The following ADAMTS9 variants were observed in gnomAD, a reference collection of about 807,000 sequenced individuals.
The protein encoded by ADAMTS9 is A disintegrin and metalloproteinase with thrombospondin motifs 9.
Under a neutral mutation model 257.1 loss-of-function variants are expected in ADAMTS9, and 107 were observed. The observed-to-expected ratio is 0.42, with a 90% CI of 0.36 to 0.49. The LOEUF (loss-of-function observed/expected upper bound fraction) is 0.49, where lower values mean the gene tolerates loss of function less well. ADAMTS9 is among the 20% of genes least tolerant of loss of function. The pLI is 0.03. For synonymous variants in ADAMTS9, 982 were observed against 880.9 expected, an observed-to-expected ratio of 1.11 and a Z score of -2.03; for missense variants, 2,353 against 2,469.1, an observed-to-expected ratio of 0.95 and a Z score of 1.00.
intron 29 of ADAMTS9, among the ~76,000 whole-genome samples, chr3:64,564,030 A>T (rs1382088796): frequency 6.6e-6 from 1 of 152,214 alleles, no homozygotes; most frequent in Non-Finnish European, 1.5e-5. Context: ...CCCCGGAGGC[A>T]GTGATGGTGG....
At chr3:64,619,682 G>A (rs76576904) in intron 19 of ADAMTS9, among the ~76,000 whole-genome samples, 29,663 of 151,938 alleles carry the variant, frequency 0.2, 3,339 homozygotes, top group East Asian at 0.47. Flanking sequence ...ATAACTGTTA[G>A]AAAAAATAGT....
At position 64,651,142 on chromosome 3, in the gene ADAMTS9, G is replaced by T; in HGVS notation, c.1338C>A (p.Asp446Glu). The T allele has an allele frequency of 2.5e-6, 4 of 1,587,066 alleles. No individual in the cohort carries two copies. The highest frequency in any genetic ancestry group is 2.6e-6 in the Non-Finnish European group (3 of 1,170,548). The stretch of plus-strand genomic sequence containing the variant: ...CTCCTTCTTCTTTACATTTGTTGTT[G>T]TCATCATGAGGCATGTTAAACCTAA... The part of the protein sequence containing the change: ...LGHVFNMPHD[D>E]NNKCKEEGVK... The change falls in exon 9 of 40, where the codon GAC becomes GAA. Residue 446 changes from aspartate to glutamate, a missense_variant. Coordinates refer to ENST00000498707, the MANE Select transcript of ADAMTS9 (RefSeq NM_182920.2).
At chr3:64,572,765 T>C (rs2083724042) in intron 28 of ADAMTS9, among the ~76,000 whole-genome samples, 2 of 152,042 alleles carry the variant, frequency 1.3e-5, no homozygotes, top group African/African-American at 4.8e-5. Flanking sequence ...TGGGTGGGGC[T>C]GGAAGATGCA....
chr3:64,655,521 A>T (rs1701046221), intron 6 of ADAMTS9, 55 bp downstream of exon 6: 1 of 1,416,770 alleles, frequency 7.1e-7, no homozygotes, highest in Non-Finnish European at 1.0e-6. Flanking sequence ...GCATGACCAC[A>T]TCCCATCAAC....
At position 64,602,020 on chromosome 3, in the gene ADAMTS9, T is replaced by C. The variant is rs1223446103; in HGVS notation, c.3941A>G (p.Tyr1314Cys). The change falls in exon 26 of 40, where the codon TAT (tyrosine) becomes TGT (cysteine). Residue 1314 changes from tyrosine (Y) to cysteine (C), a missense_variant. By Grantham distance (194) the Tyr-to-Cys change is radical. Around this residue, in one of 3 missense-constraint regions of ADAMTS9, gnomAD observed 1,402 missense variants for 1,441.4 expected, o/e 0.97. Transcript: ENST00000498707. Reference protein sequence around the residue: ...LAQHPFQNEDYRPRSASPSRT... With the variant: ...LAQHPFQNEDCRPRSASPSRT... Reference sequence around the variant, plus strand: ...GCTGGGGCTGGCGCTCCGGGGACGATAGTCCTCATTTTGGAAGGGGTGCTG... The same window carrying C: ...GCTGGGGCTGGCGCTCCGGGGACGACAGTCCTCATTTTGGAAGGGGTGCTG... 6.2e-7 allele frequency: 1 copy of C among 1,613,988 alleles called. No individual in the cohort carries two copies. The highest frequency in any genetic ancestry group is 1.1e-5 in the South Asian group (1 of 91,062).
chr3:64,522,424 C>T, intron 38 of ADAMTS9, 164 bp from the exon 39 acceptor site: 1 of 526,556 alleles, frequency 1.9e-6, no homozygotes. Flanking sequence ...TGGCAAACTT[C>T]AGCCTGTGAG....
At chr3:64,568,608 T>G (rs2106683131) in intron 28 of ADAMTS9, 73 bp from the exon 29 acceptor site, 1 of 1,569,134 alleles carries the variant, frequency 6.4e-7, no homozygotes, top group Admixed American at 1.9e-5. Context: ...ACCTGCGTCT[T>G]GAGATGTTAA....
At chr3:64,539,410 G>T in intron 36 of ADAMTS9, 116 bp from the exon 37 acceptor site, 1 of 846,340 alleles carries the variant, frequency 1.2e-6, no homozygotes, top group Non-Finnish European at 1.9e-6. Flanking sequence ...GAGGGAATGG[G>T]AGAGAAAGAA....
chr3:64,600,687 G>A (rs1283498067), intron 26 of ADAMTS9, among the ~76,000 whole-genome samples: 1 of 152,152 alleles, frequency 6.6e-6, no homozygotes, highest in African/African-American at 2.4e-5. Flanking sequence ...TCTAGGCAAA[G>A]GAAGCCCAAA....
chr3:64,665,817 A>G (rs1032581505), intron 3 of ADAMTS9, among the ~76,000 whole-genome samples: 5 of 152,194 alleles, frequency 3.3e-5, no homozygotes, highest in Non-Finnish European at 4.4e-5. Flanking sequence ...TTTCTGAGTC[A>G]CTTCTCTGGG....
intron 2 of ADAMTS9, chr3:64,684,886 C>A (rs1371153084): frequency 1.3e-5 from 2 of 152,216 alleles, no homozygotes; most frequent in African/African-American, 4.8e-5. Context: ...GACGTACACA[C>A]GCAGTCCTAT....
chr3:64,649,740 G>T lies in ADAMTS9; in HGVS notation c.1502C>A (p.Ser501Tyr), dbSNP rs1700886717. 6.2e-7 allele frequency: 1 copy of T among 1,613,862 alleles called. No individual in the cohort carries two copies. The highest frequency in any genetic ancestry group is 8.5e-7 in the Non-Finnish European group (1 of 1,179,974). The change falls in exon 10 of 40, where the codon TCC becomes TAC. Residue 501 changes from serine to tyrosine, a missense_variant. Physicochemically the swap from Ser to Tyr is moderately radical, Grantham distance 144 (BLOSUM62 -2). Transcript: ENST00000498707. ...TTGGACAGGCAAAGGGTAGGGTCTG[G>T]ATTCAGGTTCGTTAAGCAAACACTC... ...YGECLLNEPE[S>Y]RPYPLPVQLP...
intron 28 of ADAMTS9, among the ~76,000 whole-genome samples, chr3:64,581,123 G>A (rs1206606244): frequency 1.3e-5 from 2 of 152,146 alleles, no homozygotes; most frequent in Non-Finnish European, 2.9e-5. Context: ...TCAAGGCCAG[G>A]GCTCACATCA....
In ADAMTS9 at chr3:64,603,469, C is replaced by T. The variant is rs1003444777; in HGVS notation, c.3747+453G>A. 3.3e-5 allele frequency among the ~76,000 whole-genome samples: 5 copies of T among 152,140 alleles called. No individual in the cohort carries two copies. In the South Asian group the frequency reaches 1.0e-3, roughly 32 times the overall value. On this transcript the variant is annotated intron_variant, in intron 25 of 39. Transcript: ENST00000498707. ...GTGTACAGCAGGCAGGTTCACAGCA[C>T]TGGATGAGGATTCCCACTTCCCATT...
At chr3:64,628,264 G>GTTATCA (rs1295676243) in intron 16 of ADAMTS9, among the ~76,000 whole-genome samples, 1 of 152,186 alleles carries the variant, frequency 6.6e-6, no homozygotes, top group Non-Finnish European at 1.5e-5. Context: ...TTATCAGGAG[G>GTTATCA]CCCTCCCTGA....
chr3:64,542,875 T>C (rs1400454093), intron 32 of ADAMTS9, among the ~76,000 whole-genome samples: 1 of 151,738 alleles, frequency 6.6e-6, no homozygotes, highest in East Asian at 1.9e-4. Context: ...CTAGCAAGAC[T>C]AATAAAGAAG....
At chr3:64,681,408 C>T in intron 2 of ADAMTS9, 45 bp from the exon 3 acceptor site, 2 of 1,550,540 alleles carry the variant, frequency 1.3e-6, no homozygotes, top group South Asian at 1.2e-5. Context: ...GTAACTCAGT[C>T]ATTGGGAGGA....
intron 28 of ADAMTS9, chr3:64,592,477 C>T (rs1316119462): frequency 6.6e-6 from 1 of 152,094 alleles, no homozygotes; most frequent in Non-Finnish European, 1.5e-5. Context: ...CATTTATGCT[C>T]TTAAAATATC....
chr3:64,627,552 G>A (rs1700254474), intron 16 of ADAMTS9, among the ~76,000 whole-genome samples: 1 of 152,138 alleles, frequency 6.6e-6, no homozygotes, highest in Non-Finnish European at 1.5e-5. Flanking sequence ...CTTGGCTTTA[G>A]CTCAACAGGA....
Sources: gnomAD v4.1 joint callset for allele counts (sites outside exome capture counted in the v4.1 genomes callset) on GRCh38, gnomAD v4.1.1 for gene constraint, gnomAD v4.1.1 regional missense constraint, MANE v1.5 for transcripts, NCBI Gene and HGNC (gene_info 2026-07-23, HGNC 2026-07-21) for gene names.